ZMIZ1: variants seen among roughly 807,000 people sequenced by gnomAD.
ZMIZ1 encodes zinc finger MIZ-type containing 1, also known as zinc finger MIZ domain-containing protein 1.
ZMIZ1 carries 17 observed loss-of-function variants against 113.9 expected under a neutral mutation model. The observed-to-expected ratio is 0.15, with a 90% confidence interval of 0.10 to 0.22. The LOEUF is 0.22. Among genes scored for constraint, ZMIZ1 ranks in the 10% least tolerant of loss-of-function variants. The pLI is 1.00. For synonymous variants in ZMIZ1, 607 were observed against 603.1 expected (o/e 1.01, Z -0.09); for missense variants, 1,059 against 1,477.8 (o/e 0.72, Z 4.65).
In ZMIZ1 at chr10:79,074,527, A is replaced by G. The variant is rs762358955; in HGVS notation, c.-337+5257A>G. Among the ~76,000 whole-genome samples the G allele has an allele frequency of 2.3e-4, 35 of 152,366 alleles. 1 individual carries two copies. The highest frequency in any genetic ancestry group is 4.1e-4 in the South Asian group (2 of 4,832). ...TTGACTGCCCAGGGCACACAGGTCT[A>G]TACATGGGGCTTCATGCCCTTCTCC... On this transcript the variant is annotated intron_variant, in intron 1 of 24. Coordinates refer to ENST00000334512, the MANE Select transcript of ZMIZ1 (RefSeq NM_020338.4).
rs1304447737 is a variant in ZMIZ1 at position 79,313,380 on chromosome 10, A to G, written c.*631A>G. On this transcript the variant is annotated 3_prime_UTR_variant, in exon 25 of 25. Coordinates refer to ENST00000334512, the MANE Select transcript of ZMIZ1 (RefSeq NM_020338.4). The stretch of plus-strand genomic sequence containing the variant: ...CCTGACCTATAAGCCAAGATACCCC[A>G]TAAACACACTCAGAAAGCAGAGAAA... The G allele has an allele frequency of 1.3e-5, 2 of 156,380 alleles. No homozygotes were observed. The highest frequency in any genetic ancestry group is 2.4e-5 in the African/African-American group (1 of 41,356). 9.7% of individuals were successfully genotyped at this position (156,380 alleles called of 1,614,324 possible).
intron 1 of ZMIZ1, among the ~76,000 whole-genome samples, chr10:79,090,810 G>A (rs571975783): frequency 6.6e-6 from 1 of 152,368 alleles, no homozygotes; most frequent in South Asian, 2.1e-4. Flanking sequence ...AGCCAGGGAT[G>A]TATGTGCCCA....
rs1045561194 is a variant in ZMIZ1 at position 79,315,691 on chromosome 10, G to C, written c.*2942G>C. The C allele has an allele frequency of 6.5e-6, 1 of 152,800 alleles. No homozygotes were observed. 9.5% of individuals were successfully genotyped at this position (152,800 alleles called of 1,614,324 possible). A position where few individuals can be genotyped will look rare whatever the true frequency, so the allele number is the denominator to read the frequency against. Reference sequence around the variant, plus strand: ...GCCCTGATCCCCCAGAGAGCTACAGGTCTGCTCCCGACGGGCCTCGGGCCT... The same window carrying C: ...GCCCTGATCCCCCAGAGAGCTACAGCTCTGCTCCCGACGGGCCTCGGGCCT... On this transcript the variant is annotated 3_prime_UTR_variant, in exon 25 of 25. Transcript: ENST00000334512.
intron 7 of ZMIZ1, among the ~76,000 whole-genome samples, chr10:79,256,788 C>T (rs1317684377): frequency 6.6e-6 from 1 of 152,252 alleles, no homozygotes; most frequent in Non-Finnish European, 1.5e-5. Context: ...CAGATCCCCT[C>T]ACAGGCATCC....
chr10:79,104,946 GT>G (rs1458385966), intron 1 of ZMIZ1, among the ~76,000 whole-genome samples: 2 of 138,140 alleles, frequency 1.4e-5, no homozygotes, highest in Admixed American at 1.5e-4. Context: ...GGTTGTTGTT[GT>G]GGGGTGTGTG....
intron 1 of ZMIZ1, among the ~76,000 whole-genome samples, chr10:79,090,109 C>G (rs780198778): frequency 6.6e-6 from 1 of 152,176 alleles, no homozygotes; most frequent in Non-Finnish European, 1.5e-5. Flanking sequence ...TGTCTTAAGG[C>G]TCAGTTAGAA....
At chr10:79,260,786 T>C (rs1851216876) in intron 7 of ZMIZ1, among the ~76,000 whole-genome samples, 1 of 152,210 alleles carries the variant, frequency 6.6e-6, no homozygotes, top group South Asian at 2.1e-4. Context: ...GTAGTACTTA[T>C]GTAAATGAAA....
At chr10:79,217,618 A>G (rs936260552) in intron 7 of ZMIZ1, among the ~76,000 whole-genome samples, 1 of 152,256 alleles carries the variant, frequency 6.6e-6, no homozygotes, top group Non-Finnish European at 1.5e-5. Context: ...CACAGCCTTC[A>G]TGAAAACGTT....
intron 8 of ZMIZ1, among the ~76,000 whole-genome samples, chr10:79,288,921 G>T (rs991889308): frequency 5.9e-5 from 9 of 152,224 alleles, no homozygotes; most frequent in African/African-American, 2.2e-4. Context: ...GCTGGACCTG[G>T]TGAGGGGAGG....
Position 79,314,298 on chromosome 10 carries a change from C to T in ZMIZ1, c.*1549C>T, listed in dbSNP as rs760135642. ...GTCACTGGGGTCCCATCTGTAAATT[C>T]TTTGCGCCCTTCCCGGCTGCTGCCT... On this transcript the variant is annotated 3_prime_UTR_variant, in exon 25 of 25. Transcript: ENST00000334512. The T allele has an allele frequency of 2.2e-6, 1 of 455,522 alleles. No homozygotes were observed. 28.2% of individuals were successfully genotyped at this position (455,522 alleles called of 1,614,324 possible). A position where few individuals can be genotyped will look rare whatever the true frequency, so the allele number is the denominator to read the frequency against.
At chr10:79,150,267 C>G (rs1056056853) in intron 3 of ZMIZ1, among the ~76,000 whole-genome samples, 1 of 152,188 alleles carries the variant, frequency 6.6e-6, no homozygotes, top group African/African-American at 2.4e-5. Context: ...ACCCCGTATT[C>G]TCTACGGCTG....
intron 1 of ZMIZ1, among the ~76,000 whole-genome samples, chr10:79,082,856 C>T (rs1049288619): frequency 1.3e-4 from 20 of 152,340 alleles, no homozygotes; most frequent in Admixed American, 2.0e-4. Flanking sequence ...GGTGGGGCCT[C>T]GTGCCAGCCT....
intron 4 of ZMIZ1, among the ~76,000 whole-genome samples, chr10:79,169,234 C>T (rs1264610538): frequency 6.6e-6 from 1 of 152,206 alleles, no homozygotes. Context: ...CTGGCCTCAC[C>T]CAGACTTCCC....
Position 79,078,719 on chromosome 10 carries a change from A to ATTTTTT in ZMIZ1, c.-337+9457_-337+9462dup, listed in dbSNP as rs10673987. Among the ~76,000 whole-genome samples, 905 of 125,056 alleles carry ATTTTTT rather than the reference A, an allele frequency of 7.2e-3. 58 individuals carry two copies. Among genetic ancestry groups the ATTTTTT allele is most frequent in the African/African-American group, 0.023 (743 of 31,746 alleles). The allele number at this position is 125,056 out of a possible 152,430, so 82.0% of individuals were successfully genotyped here. The stretch of plus-strand genomic sequence containing the variant: ...GCACCCATGCCCAGCTAATTTTTGT[A>ATTTTTT]TTTTTTTTTTTTTGCATATGGTGTT... On this transcript the variant is annotated intron_variant, in intron 1 of 24. Transcript: ENST00000334512.
intron 7 of ZMIZ1, among the ~76,000 whole-genome samples, chr10:79,222,022 T>A (rs2132737602): frequency 6.6e-6 from 1 of 152,284 alleles, no homozygotes; most frequent in Non-Finnish European, 1.5e-5. Context: ...AGACAGGTCG[T>A]CAGAACTCAG....
chr10:79,266,637 C>T (rs1272321575), intron 7 of ZMIZ1, among the ~76,000 whole-genome samples: 1 of 152,084 alleles, frequency 6.6e-6, no homozygotes, highest in East Asian at 1.9e-4. Context: ...AGAGCCAACC[C>T]TGGTCTCCTG....
At position 79,172,743 on chromosome 10, in the gene ZMIZ1, G is replaced by A. The variant is rs76285514; in HGVS notation, c.-50+10610G>A. Among the ~76,000 whole-genome samples, 1,291 of 152,306 alleles carry A rather than the reference G, an allele frequency of 8.5e-3. 41 individuals are homozygous for A. The East Asian group carries it at 0.11, about 13-fold the overall frequency. On this transcript the variant is annotated intron_variant, in intron 4 of 24. Coordinates refer to ENST00000334512, the MANE Select transcript of ZMIZ1 (RefSeq NM_020338.4). ...TTGCATCTTTTGACACAAAAGAGGA[G>A]GAGGACACGAACTCTCCAAAAAATC...
At chr10:79,233,729 C>T (rs1343349615) in intron 7 of ZMIZ1, among the ~76,000 whole-genome samples, 1 of 148,916 alleles carries the variant, frequency 6.7e-6, no homozygotes, top group Non-Finnish European at 1.5e-5. Flanking sequence ...TCAAATTCAT[C>T]AGCAGGGGCC....
intron 1 of ZMIZ1, among the ~76,000 whole-genome samples, chr10:79,072,220 GT>G (rs1383272719): frequency 1.3e-5 from 2 of 152,176 alleles, no homozygotes; most frequent in Non-Finnish European, 2.9e-5. Flanking sequence ...ATGAAGAAAG[GT>G]CCAGAGACTG....
Sources: allele counts gnomAD v4.1 joint callset (sites outside exome capture counted in the v4.1 genomes callset), GRCh38; gene constraint gnomAD v4.1.1; transcripts MANE v1.5; gene names NCBI Gene and HGNC (gene_info 2026-07-23, HGNC 2026-07-21).